The following STK32B variants were observed in gnomAD, a reference collection of about 807,000 sequenced individuals.
The protein encoded by STK32B is serine/threonine kinase 32B.
Under a neutral mutation model 52.6 loss-of-function variants are expected in STK32B, and 43 were observed. That is an observed-to-expected ratio of 0.82 (90% CI 0.64 to 1.05). The LOEUF (loss-of-function observed/expected upper bound fraction) is 1.05, where lower values mean the gene tolerates loss of function less well. STK32B is among the 50% of genes least tolerant of loss of function. The probability of loss-of-function intolerance (pLI) is 0.00; values close to 1 mark genes in which losing one functional copy is unlikely to be tolerated. For synonymous variants in STK32B, 238 were observed against 204.3 expected (o/e 1.17, Z -1.41); for missense variants, 621 against 534.6 (o/e 1.16, Z -1.59).
intron 4 of STK32B, among the ~76,000 whole-genome samples, chr4:5,363,054 C>T (rs1355103997): frequency 2.6e-5 from 4 of 152,158 alleles, no homozygotes; most frequent in African/African-American, 9.7e-5. Context: ...ATCTCACATA[C>T]AACCACATTC....
At chr4:5,218,015 T>A (rs1370562888) in intron 3 of STK32B, among the ~76,000 whole-genome samples, 1 of 150,104 alleles carries the variant, frequency 6.7e-6, no homozygotes, top group African/African-American at 2.5e-5. Context: ...TTATTACTCT[T>A]GGTATTTTTT....
At chr4:5,458,779 C>G (rs915962970) in intron 8 of STK32B, 1 of 152,182 alleles carries the variant, frequency 6.6e-6, no homozygotes, top group South Asian at 2.1e-4. Context: ...CACATGGAGT[C>G]GTGAGAGAGC....
Position 5,051,710 on chromosome 4 carries a change from C to T in STK32B, c.-154C>T, listed in dbSNP as rs750041517. ...TCCAGGAGAAGGGGGACGCCGTCCCCGCCCCTGCACGGTGCTCGGCCCCCT... is the reference window on the plus strand; with the variant it reads ...TCCAGGAGAAGGGGGACGCCGTCCCTGCCCCTGCACGGTGCTCGGCCCCCT... On this transcript the variant is annotated 5_prime_UTR_variant, in exon 1 of 12. Transcript: ENST00000282908. The T allele has an allele frequency of 4.6e-4, 416 of 911,720 alleles. 2 individuals are homozygous for T. The highest frequency in any genetic ancestry group is 3.7e-4 in the Non-Finnish European group (235 of 628,416). 56.5% of individuals were successfully genotyped at this position (911,720 alleles called of 1,614,324 possible). A position where few individuals can be genotyped will look rare whatever the true frequency, so the allele number is the denominator to read the frequency against.
chr4:5,317,327 ATTAC>A lies in STK32B; in HGVS notation c.261-13892_261-13889del, dbSNP rs1429964458. Among the ~76,000 whole-genome samples, 42 of 33,222 alleles carry A rather than the reference ATTAC, an allele frequency of 1.3e-3. 2 individuals carry two copies. The highest frequency in any genetic ancestry group is 0.011 in the African/African-American group (39 of 3,494). The allele number at this position is 33,222 out of a possible 152,430, so 21.8% of individuals were successfully genotyped here. On this transcript the variant is annotated intron_variant, in intron 3 of 11. Coordinates refer to ENST00000282908, the MANE Select transcript of STK32B (RefSeq NM_018401.3). The stretch of plus-strand genomic sequence containing the variant: ...AATATATAACATATGTATAATATAT[ATTAC>A]ATATATAATACATATATATAATATA...
chr4:5,168,265 G>A, intron 2 of STK32B, 34 bp from the exon 3 acceptor site: 8 of 1,588,048 alleles, frequency 5.0e-6, no homozygotes, highest in South Asian at 1.1e-5. Context: ...TTCGATTGTT[G>A]GCCTGACTGT....
At chr4:5,032,196 G>A in the STK32B span, among the ~76,000 whole-genome samples, 40 of 150,468 alleles carry the variant, frequency 2.7e-4, no homozygotes, top group East Asian at 2.1e-3. Context: ...AAACCTGGCC[G>A]GGCACAGTGG....
At chr4:5,361,187 G>A (rs1219056925) in intron 4 of STK32B, among the ~76,000 whole-genome samples, 4 of 152,166 alleles carry the variant, frequency 2.6e-5, no homozygotes, top group Admixed American at 1.3e-4. Context: ...GCATTGTATG[G>A]TTGTATCACA....
chr4:5,298,231 C>T (rs1269825262), intron 3 of STK32B, among the ~76,000 whole-genome samples: 2 of 152,174 alleles, frequency 1.3e-5, no homozygotes, highest in Admixed American at 6.5e-5. Context: ...ACCCCTGCTG[C>T]GAGGTGTCTC....
chr4:5,316,275 A>T lies in STK32B; in HGVS notation c.261-14945A>T, dbSNP rs1447188317. 6.1e-5 allele frequency among the ~76,000 whole-genome samples: 4 copies of T among 65,068 alleles called. 1 individual carries two copies. The highest frequency in any genetic ancestry group is 5.5e-4 in the African/African-American group (4 of 7,244). The allele number at this position is 65,068 out of a possible 152,430, so 42.7% of individuals were successfully genotyped here. A position where few individuals can be genotyped will look rare whatever the true frequency, so the allele number is the denominator to read the frequency against. On this transcript the variant is annotated intron_variant, in intron 3 of 11. Coordinates refer to ENST00000282908, the MANE Select transcript of STK32B (RefSeq NM_018401.3). Reference sequence around the variant, plus strand: ...ATATAATATATTATATAGTATATATAATATATTATATACAATATTATATAT... The same window carrying T: ...ATATAATATATTATATAGTATATATTATATATTATATACAATATTATATAT...
chr4:5,102,668 AT>A (rs1169421357), intron 1 of STK32B, among the ~76,000 whole-genome samples: 1 of 151,370 alleles, frequency 6.6e-6, no homozygotes, highest in Non-Finnish European at 1.5e-5. Flanking sequence ...AGTAGCTGAG[AT>A]TATAGGCACA....
chr4:5,388,209 A>G (rs1483812980), intron 4 of STK32B, among the ~76,000 whole-genome samples: 1 of 152,198 alleles, frequency 6.6e-6, no homozygotes, highest in African/African-American at 2.4e-5. Flanking sequence ...AAAACTGCAC[A>G]AATGTGACAA....
intron 3 of STK32B, among the ~76,000 whole-genome samples, chr4:5,212,945 T>G (rs896944048): frequency 2.0e-5 from 3 of 152,158 alleles, no homozygotes; most frequent in South Asian, 4.1e-4. Context: ...CTCTGCGCTT[T>G]CTGGTTCTGT....
chr4:5,395,208 G>A lies in STK32B; in HGVS notation c.435-2999G>A, dbSNP rs1008150166. ...GCTCTCACTCCAGTCTGCCAAGACAGAGTCATATAATGTAACATAATCCCG... is the reference window on the plus strand; with the variant it reads ...GCTCTCACTCCAGTCTGCCAAGACAAAGTCATATAATGTAACATAATCCCG... On this transcript the variant is annotated intron_variant, in intron 4 of 11. Transcript: ENST00000282908. The surrounding 1 kb of genome is among the most constrained non-coding windows in gnomAD (Gnocchi z 4.4). Among the ~76,000 whole-genome samples the A allele has an allele frequency of 2.6e-5, 4 of 152,326 alleles. No individual in the cohort carries two copies. In the Middle Eastern group the frequency reaches 0.014, roughly 518 times the overall value.
intron 6 of STK32B, among the ~76,000 whole-genome samples, chr4:5,428,435 AC>A (rs561266158): frequency 2.9e-3 from 444 of 152,212 alleles, no homozygotes; most frequent in Non-Finnish European, 5.0e-3. Context: ...AAACAAAAAA[AC>A]ATTTTTCTGA....
chr4:5,479,122 TG>T (rs1476900522), intron 11 of STK32B, among the ~76,000 whole-genome samples: 3 of 114,054 alleles, frequency 2.6e-5, no homozygotes, highest in African/African-American at 9.8e-5. Flanking sequence ...TTTTTGTTTT[TG>T]TTTTTTTTTT....
chr4:5,170,259 A>G (rs6446330), intron 3 of STK32B, among the ~76,000 whole-genome samples: 31,069 of 152,168 alleles, frequency 0.2, 3,668 homozygotes, highest in East Asian at 0.36. Flanking sequence ...TGTTAAAGGA[A>G]AGGAATGTGT....
chr4:5,182,463 CT>C (rs1315636884), intron 3 of STK32B, among the ~76,000 whole-genome samples: 2 of 150,326 alleles, frequency 1.3e-5, no homozygotes, highest in East Asian at 3.9e-4. Flanking sequence ...TTTTTTTTTC[CT>C]TTTTTTTTGT....
chr4:5,072,511 C>T (rs1222776883), intron 1 of STK32B, among the ~76,000 whole-genome samples: 1 of 152,154 alleles, frequency 6.6e-6, no homozygotes, highest in Non-Finnish European at 1.5e-5. Context: ...TCTCATCTTT[C>T]AACCTCATCA....
chr4:5,317,991 A>T (rs777046978), intron 3 of STK32B, among the ~76,000 whole-genome samples: 23 of 152,112 alleles, frequency 1.5e-4, no homozygotes, highest in Non-Finnish European at 3.2e-4. Flanking sequence ...GAGGCCAGCA[A>T]TCTGTGTTTT....
Sources: gnomAD v4.1 joint callset for allele counts (sites outside exome capture counted in the v4.1 genomes callset) on GRCh38, gnomAD v4.1.1 for gene constraint, Gnocchi (gnomAD v3.1) non-coding constraint, MANE v1.5 for transcripts, NCBI Gene and HGNC (gene_info 2026-07-23, HGNC 2026-07-21) for gene names.